CAST: variants seen among roughly 807,000 people sequenced by gnomAD.
The protein encoded by CAST is MIR583 host.
Under a neutral mutation model 119.6 loss-of-function variants are expected in CAST, and 76 were observed. The ratio of observed to expected loss-of-function variants is 0.64; its 90% confidence interval spans 0.53 to 0.77. The LOEUF is 0.77. Ranked by LOEUF, CAST falls within the 30% of genes least tolerant of loss-of-function variation. The probability of loss-of-function intolerance (pLI) is 0.00; values close to 1 mark genes in which losing one functional copy is unlikely to be tolerated. For missense variants in CAST, 953 were observed against 946.5 expected (o/e 1.01, Z -0.09); for synonymous variants, 319 against 331.6 (o/e 0.96, Z 0.41).
At chr5:96,330,213 A>T in the CAST span, among the ~76,000 whole-genome samples, 631 of 152,334 alleles carry the variant, frequency 4.1e-3, 4 homozygotes, top group African/African-American at 0.014. Context: ...AAAACCATTT[A>T]AAAAGACCAT....
the CAST span, among the ~76,000 whole-genome samples, chr5:96,082,002 C>T: frequency 6.6e-6 from 1 of 152,146 alleles, no homozygotes; most frequent in Admixed American, 6.5e-5. Flanking sequence ...CAACCTCTGC[C>T]TCCTGGGTTC....
At chr5:96,742,534 A>T in intron 15 of CAST, 121 bp from the exon 16 acceptor site, 1 of 685,460 alleles carries the variant, frequency 1.5e-6, no homozygotes, top group Non-Finnish European at 2.5e-6. Context: ...TTGCCTTTCT[A>T]GAGCACTTCC....
chr5:96,086,115 A>G, the CAST span, among the ~76,000 whole-genome samples: 1 of 152,168 alleles, frequency 6.6e-6, no homozygotes, highest in Non-Finnish European at 1.5e-5. Context: ...ATTGCTTATA[A>G]TATCTAATAC....
chr5:96,640,791 A>G (rs368181571), intron 1 of CAST, among the ~76,000 whole-genome samples: 45 of 152,308 alleles, frequency 3.0e-4, no homozygotes, highest in African/African-American at 1.0e-3. Flanking sequence ...GGGAAGAATC[A>G]TGACGTTAGG....
chr5:96,747,626 T>C (rs895398424), intron 18 of CAST, among the ~76,000 whole-genome samples: 1 of 152,152 alleles, frequency 6.6e-6, no homozygotes, highest in Non-Finnish European at 1.5e-5. Flanking sequence ...TAGGTAAAAT[T>C]TATTGCACAC....
the CAST span, among the ~76,000 whole-genome samples, chr5:96,516,332 C>A: frequency 2.0e-5 from 3 of 151,900 alleles, no homozygotes; most frequent in Non-Finnish European, 4.4e-5. Flanking sequence ...TCCCACACTC[C>A]TGAATAACGT....
chr5:96,514,574 C>T, the CAST span, among the ~76,000 whole-genome samples: 2 of 152,154 alleles, frequency 1.3e-5, no homozygotes, highest in East Asian at 1.9e-4. Flanking sequence ...ATCATTTCTG[C>T]AGATTTCTAC....
intron 2 of CAST, among the ~76,000 whole-genome samples, chr5:96,681,189 T>C (rs1248751636): frequency 6.6e-6 from 1 of 152,240 alleles, no homozygotes; most frequent in Non-Finnish European, 1.5e-5. Flanking sequence ...CAATGATGAT[T>C]TTCTGAGTGT....
chr5:96,373,812 C>T, the CAST span, among the ~76,000 whole-genome samples: 1 of 151,824 alleles, frequency 6.6e-6, no homozygotes, highest in African/African-American at 2.4e-5. Flanking sequence ...GTGGCACAAT[C>T]ACAGCTCACT....
At chr5:96,715,437 T>C (rs962365150) in intron 3 of CAST, among the ~76,000 whole-genome samples, 2 of 152,212 alleles carry the variant, frequency 1.3e-5, no homozygotes, top group African/African-American at 4.8e-5. Context: ...CAGCAAAAAG[T>C]TCATGGACAT....
At chr5:96,592,046 A>G (rs910768932) in intron 1 of CAST, among the ~76,000 whole-genome samples, 2 of 152,182 alleles carry the variant, frequency 1.3e-5, no homozygotes, top group African/African-American at 4.8e-5. Context: ...TCTCTTAGCC[A>G]TGTTTGTCAA....
At chr5:96,231,376 G>A in the CAST span, among the ~76,000 whole-genome samples, 47 of 152,216 alleles carry the variant, frequency 3.1e-4, no homozygotes, top group African/African-American at 9.9e-4. Flanking sequence ...GAAGCCAGTC[G>A]TAAGATACCA....
chr5:96,462,342 T>G, the CAST span, among the ~76,000 whole-genome samples: 1 of 151,620 alleles, frequency 6.6e-6, no homozygotes, highest in African/African-American at 2.4e-5. Flanking sequence ...GTGGAGATCT[T>G]GTATAAGCCA....
intron 10 of CAST, among the ~76,000 whole-genome samples, chr5:96,737,325 A>C (rs113728300): frequency 1.3e-4 from 20 of 151,954 alleles, no homozygotes; most frequent in African/African-American, 3.9e-4. Context: ...ACAACAACAA[A>C]AAAAAACATG....
chr5:96,522,723 C>G (rs1745537876), upstream of CAST, among the ~76,000 whole-genome samples: 1 of 152,168 alleles, frequency 6.6e-6, no homozygotes, highest in African/African-American at 2.4e-5. Flanking sequence ...AGGGTCCCCA[C>G]AGAGCTTTGC....
At chr5:96,380,368 G>C in the CAST span, among the ~76,000 whole-genome samples, 2 of 152,244 alleles carry the variant, frequency 1.3e-5, no homozygotes, top group South Asian at 4.1e-4. Context: ...TTTAAGTTGG[G>C]TGATGAAATG....
At chr5:96,550,322 C>T (rs770767117) in intron 1 of CAST, among the ~76,000 whole-genome samples, 13 of 152,260 alleles carry the variant, frequency 8.5e-5, no homozygotes, top group Middle Eastern at 3.4e-3. Flanking sequence ...AGCTGAGGGG[C>T]CTGTCTGTTA....
At chr5:96,438,047 C>G in the CAST span, among the ~76,000 whole-genome samples, 1 of 152,094 alleles carries the variant, frequency 6.6e-6, no homozygotes, top group Non-Finnish European at 1.5e-5. Flanking sequence ...TATATCTTGC[C>G]TAACTTTTTT....
the CAST span, among the ~76,000 whole-genome samples, chr5:96,173,749 TC>T: frequency 3.4e-5 from 5 of 148,104 alleles, no homozygotes; most frequent in Admixed American, 6.6e-5. Flanking sequence ...CTTTTTTTTT[TC>T]TTTTTTTTTT....
Sources: gnomAD v4.1 joint callset for allele counts (sites outside exome capture counted in the v4.1 genomes callset) on GRCh38, gnomAD v4.1.1 for gene constraint, MANE v1.5 for transcripts, NCBI Gene and HGNC (gene_info 2026-07-23, HGNC 2026-07-21) for gene names.